The following SLC1A6 variants were observed in gnomAD, a reference collection of about 807,000 sequenced individuals.
SLC1A6 encodes solute carrier family 1 member 6, also known as excitatory amino acid transporter 4.
In SLC1A6, 15 loss-of-function variants were observed where a neutral mutation model predicts 42.1. The observed-to-expected ratio is 0.36, with a 90% CI of 0.24 to 0.55. The LOEUF is 0.55. Among genes scored for constraint, SLC1A6 ranks in the 20% least tolerant of loss-of-function variants. The pLI is 0.88. For missense variants in SLC1A6, 542 were observed against 772.5 expected (o/e 0.70, Z 3.54); for synonymous variants, 317 against 319.7 (o/e 0.99, Z 0.09).
intron 9 of SLC1A6, 34 bp downstream of exon 9, chr19:14,952,894 A>G (rs374675500): frequency 6.2e-7 from 1 of 1,606,034 alleles, no homozygotes. Context: ...GTGCAGAAGC[A>G]GGAGCACCAG....
At chr19:14,985,535 T>C (rs1220673202) in intron 1 of SLC1A6, among the ~76,000 whole-genome samples, 1 of 152,220 alleles carries the variant, frequency 6.6e-6, no homozygotes, top group African/African-American at 2.4e-5. Flanking sequence ...CCTTCCACCA[T>C]GACTGGAAGC....
upstream of SLC1A6, among the ~76,000 whole-genome samples, chr19:14,981,259 C>A (rs2045765905): frequency 6.6e-6 from 1 of 151,156 alleles, no homozygotes; most frequent in African/African-American, 2.4e-5. Context: ...TGCCACTGCA[C>A]TTCAGCCTGG....
upstream of SLC1A6, among the ~76,000 whole-genome samples, chr19:14,980,937 A>G (rs1302325089): frequency 2.0e-5 from 3 of 151,614 alleles, no homozygotes; most frequent in Non-Finnish European, 4.4e-5. Flanking sequence ...CTTTGCAACA[A>G]CTCCTAGATA....
intron 1 of SLC1A6, chr19:14,975,263 T>C (rs1435259305): frequency 6.6e-6 from 1 of 152,242 alleles, no homozygotes. Context: ...AATGATCATT[T>C]ATTCTATATT....
Position 14,956,637 on chromosome 19 carries a change from C to T in SLC1A6, c.1008G>A (p.Gly336=). The T allele has an allele frequency of 6.2e-7, 1 of 1,613,926 alleles. No homozygotes were observed. The highest frequency in any genetic ancestry group is 8.5e-7 in the Non-Finnish European group (1 of 1,179,922). The change falls in exon 7 of 10, where the codon GGG becomes GGA. Residue 336 remains glycine, a synonymous_variant. Transcript: ENST00000594383. ...ILEMEDMAVL[G]GQLGMYTLTV... ...TCAGGGTGTACATGCCCAGCTGACCCCCCAGGACGGCCATGTCTTCCATCT... is the reference window on the plus strand; with the variant it reads ...TCAGGGTGTACATGCCCAGCTGACCTCCCAGGACGGCCATGTCTTCCATCT...
chr19:14,964,134 T>G, intron 5 of SLC1A6, 185 bp downstream of exon 5: 1 of 602,722 alleles, frequency 1.7e-6, no homozygotes. Flanking sequence ...CGGACCTAAG[T>G]GCTTCTCCCT....
intron 1 of SLC1A6, among the ~76,000 whole-genome samples, chr19:14,995,492 A>C (rs2045841827): frequency 6.6e-6 from 1 of 152,076 alleles, no homozygotes; most frequent in Non-Finnish European, 1.5e-5. Flanking sequence ...TAGGAGAAAA[A>C]AGTTCAAGAG....
At chr19:14,956,152 C>T (rs2045460997) in intron 7 of SLC1A6, among the ~76,000 whole-genome samples, 1 of 151,998 alleles carries the variant, frequency 6.6e-6, no homozygotes, top group Non-Finnish European at 1.5e-5. Flanking sequence ...CTCCCAGACA[C>T]CATCTCACAA....
intron 1 of SLC1A6, among the ~76,000 whole-genome samples, chr19:14,993,298 A>C (rs11085928): frequency 0.18 from 26,722 of 151,866 alleles, 2,995 homozygotes; most frequent in East Asian, 0.47. Context: ...GGCAATGGTG[A>C]GTGACTGCTG....
At chr19:14,987,503 T>C (rs114789496) in intron 1 of SLC1A6, among the ~76,000 whole-genome samples, 3,352 of 151,930 alleles carry the variant, frequency 0.022, 140 homozygotes, top group African/African-American at 0.076. Flanking sequence ...AAAATAATAA[T>C]TATAATCAGG....
chr19:14,964,709 C>CA (rs2045553923), intron 4 of SLC1A6, among the ~76,000 whole-genome samples: 1 of 152,162 alleles, frequency 6.6e-6, no homozygotes, highest in Non-Finnish European at 1.5e-5. Context: ...GACTTTAATT[C>CA]AAACACACAT....
intron 8 of SLC1A6, 36 bp from the exon 9 acceptor site, chr19:14,953,098 G>T: frequency 6.5e-7 from 1 of 1,535,096 alleles, no homozygotes; most frequent in Non-Finnish European, 9.0e-7. Context: ...AGCAGATGGA[G>T]GGAAGAAGGC....
intron 3 of SLC1A6, among the ~76,000 whole-genome samples, chr19:14,970,438 G>T (rs1430834664): frequency 6.6e-6 from 1 of 152,118 alleles, no homozygotes; most frequent in Non-Finnish European, 1.5e-5. Context: ...ATGGCCGGGC[G>T]GGGTGGCTCA....
Position 15,006,586 on chromosome 19 carries a change from G to T in SLC1A6, c.6+3899C>A, listed in dbSNP as rs571135036. ...ATGATCCCTTGATTACAAACCCAGG[G>T]TCATTCATTCTTTCTTGACTGTCGC... is the stretch of plus-strand genomic sequence containing the variant. On this transcript the variant is annotated intron_variant, in intron 1 of 8. Transcript: ENST00000430939. Among the ~76,000 whole-genome samples, 9 of 151,782 alleles carry T rather than the reference G, an allele frequency of 5.9e-5. No homozygotes were observed. In the East Asian group the frequency reaches 1.7e-3, roughly 29 times the overall value.
At chr19:14,988,194 A>G (rs1011180775) in intron 1 of SLC1A6, among the ~76,000 whole-genome samples, 2 of 152,144 alleles carry the variant, frequency 1.3e-5, no homozygotes, top group Non-Finnish European at 2.9e-5. Flanking sequence ...ATTAAGGCCC[A>G]CTGTTTTACT....
intron 3 of SLC1A6, among the ~76,000 whole-genome samples, chr19:14,970,847 G>C (rs1266149081): frequency 6.6e-6 from 1 of 150,670 alleles, no homozygotes; most frequent in African/African-American, 2.4e-5. Context: ...AAAGTTACAT[G>C]TGAGCCGGGC....
At chr19:14,963,114 A>T (rs1169939683) in intron 5 of SLC1A6, among the ~76,000 whole-genome samples, 1 of 152,234 alleles carries the variant, frequency 6.6e-6, no homozygotes, top group Non-Finnish European at 1.5e-5. Context: ...ATGAAATACT[A>T]TTCAGCCTTG....
intron 1 of SLC1A6, among the ~76,000 whole-genome samples, chr19:14,995,984 G>A (rs1303170830): frequency 2.0e-5 from 3 of 152,084 alleles, no homozygotes; most frequent in South Asian, 4.1e-4. Context: ...TTACTATCAA[G>A]GTAATTTATG....
chr19:14,954,082 C>A, intron 8 of SLC1A6, 53 bp downstream of exon 8: 2 of 1,459,374 alleles, frequency 1.4e-6, no homozygotes, highest in South Asian at 2.6e-5. Context: ...CCCAGCCAAG[C>A]TGATGACCGC....
Sources: allele counts gnomAD v4.1 joint callset (sites outside exome capture counted in the v4.1 genomes callset), GRCh38; gene constraint gnomAD v4.1.1; transcripts MANE v1.5; gene names NCBI Gene and HGNC (gene_info 2026-07-23, HGNC 2026-07-21).